CHD2: variants seen among roughly 807,000 people sequenced by gnomAD.
CHD2 encodes ATP-dependent chromatin remodeler CHD2.
In CHD2, 28 loss-of-function variants were observed where a neutral mutation model predicts 243.9. That is an observed-to-expected ratio of 0.11 (90% CI 0.09 to 0.16). The LOEUF is 0.16. Ranked by LOEUF, CHD2 falls within the 10% of genes least tolerant of loss-of-function variation. The pLI, the probability that CHD2 is intolerant of heterozygous loss-of-function variation, is 1.00. For synonymous variants in CHD2, 775 were observed against 779.0 expected (o/e 0.99, Z 0.09); for missense variants, 1,386 against 2,209.8 (o/e 0.63, Z 7.47).
At chr15:92,914,871 C>CA (rs1472702449) in intron 2 of CHD2, 2 of 152,146 alleles carry the variant, frequency 1.3e-5, no homozygotes, top group African/African-American at 4.8e-5. Flanking sequence ...AGGAAAACAA[C>CA]ATAGTACAAA....
In CHD2 at chr15:92,940,775, AAAATATAAAAAATATAT is replaced by A. The variant is rs1262651741; in HGVS notation, c.693-1039_693-1023del. Among the ~76,000 whole-genome samples the A allele has an allele frequency of 2.5e-4, 36 of 142,472 alleles. No homozygotes were observed. The East Asian group carries it at 5.9e-3, about 23-fold the overall frequency. The allele number at this position is 142,472 out of a possible 152,430, so 93.5% of individuals were successfully genotyped here. On this transcript the variant is annotated intron_variant, in intron 7 of 38. Coordinates refer to ENST00000394196, the MANE Select transcript of CHD2 (RefSeq NM_001271.4). ...GTTACATATATAAAAATATATATAA[AAAATATAAAAAATATAT>A]AAATATATAAATAAATATAAATATA...
At chr15:92,987,935 T>G (rs1220423496) in intron 26 of CHD2, among the ~76,000 whole-genome samples, 2 of 152,164 alleles carry the variant, frequency 1.3e-5, no homozygotes, top group Non-Finnish European at 2.9e-5. Context: ...TGAATTAACA[T>G]CAATTTAATT....
chr15:92,992,806 T>A (rs868452095), intron 27 of CHD2, 53 bp from the exon 28 acceptor site: 53 of 1,599,622 alleles, frequency 3.3e-5, no homozygotes, highest in Non-Finnish European at 4.2e-5. Context: ...TCATGACACT[T>A]AAGAAGAGTG....
At chr15:92,902,338 G>T in intron 2 of CHD2, 1 of 393,682 alleles carries the variant, frequency 2.5e-6, no homozygotes, top group African/African-American at 2.1e-5. Flanking sequence ...AAGTACATAT[G>T]AATGCATTTT....
Position 92,929,056 on chromosome 15 carries a change from C to T in CHD2, c.408C>T (p.Ser136=), listed in dbSNP as rs2053117457. ...EEASSGSESG[S]PKRRGQRQLK... Reference sequence around the variant, plus strand: ...CAAGTAGCGGGTCTGAGAGTGGGAGCCCAAAAAGAAGAGGCCAGAGGCAGC... The same window carrying T: ...CAAGTAGCGGGTCTGAGAGTGGGAGTCCAAAAAGAAGAGGCCAGAGGCAGC... Residue 136 remains serine (S), a synonymous_variant, in exon 5 of 39, where the codon AGC becomes AGT. Transcript: ENST00000394196. 6 of 1,611,398 alleles carry T rather than the reference C, an allele frequency of 3.7e-6. No homozygotes were observed. The highest frequency in any genetic ancestry group is 5.1e-6 in the Non-Finnish European group (6 of 1,178,518).
Position 92,949,616 on chromosome 15 carries a change from T to TG in CHD2, c.1502+547dup, listed in dbSNP as rs199671818. On this transcript the variant is annotated intron_variant, in intron 13 of 38. Coordinates refer to ENST00000394196, the MANE Select transcript of CHD2 (RefSeq NM_001271.4). ...CCTTTTTATAAGACCACGTTAATCT[T>TG]GGGGGGGTGAAAAAAAGATGAGACA... Among the ~76,000 whole-genome samples the TG allele has an allele frequency of 7.3e-3, 1,106 of 152,144 alleles. 15 individuals are homozygous for TG. Among genetic ancestry groups the TG allele is most frequent in the Non-Finnish European group, 9.0e-3 (611 of 67,988 alleles).
chr15:92,920,136 A>T (rs1017563907), intron 2 of CHD2, among the ~76,000 whole-genome samples: 1 of 148,318 alleles, frequency 6.7e-6, no homozygotes, highest in Non-Finnish European at 1.5e-5. Context: ...ATATGCTGAC[A>T]GAAAAACGGC....
At chr15:92,901,687 T>A in intron 2 of CHD2, 1 of 350,020 alleles carries the variant, frequency 2.9e-6, no homozygotes, top group East Asian at 4.5e-5. Flanking sequence ...ATTTTTTCTT[T>A]GAAGAATCCA....
intron 37 of CHD2, among the ~76,000 whole-genome samples, chr15:93,016,489 G>A (rs78251041): frequency 0.013 from 1,988 of 152,304 alleles, 21 homozygotes; most frequent in Non-Finnish European, 0.018. Context: ...TAGTGCATAT[G>A]TTAATTAGGC....
chr15:92,929,214 C>G, intron 5 of CHD2, 123 bp downstream of exon 5: 1 of 841,122 alleles, frequency 1.2e-6, no homozygotes, highest in Non-Finnish European at 1.9e-6. Context: ...GTCTCTCTTA[C>G]TAGCTCGGGT....
intron 2 of CHD2, among the ~76,000 whole-genome samples, chr15:92,916,995 G>A (rs1408231683): frequency 6.6e-6 from 1 of 152,186 alleles, no homozygotes; most frequent in Non-Finnish European, 1.5e-5. Context: ...TTTTAAAAAT[G>A]AGTTTATTGG....
chr15:92,903,092 C>G (rs2052553395), intron 2 of CHD2, among the ~76,000 whole-genome samples: 1 of 152,136 alleles, frequency 6.6e-6, no homozygotes, highest in Non-Finnish European at 1.5e-5. Context: ...ATATTTAAGA[C>G]TCTTTGAAAA....
intron 2 of CHD2, among the ~76,000 whole-genome samples, chr15:92,907,341 A>G (rs1358057874): frequency 6.6e-6 from 1 of 152,196 alleles, no homozygotes; most frequent in African/African-American, 2.4e-5. Flanking sequence ...TCTGGACTGG[A>G]TATCATACTG....
intron 9 of CHD2, 172 bp from the exon 10 acceptor site, chr15:92,944,243 G>T (rs566370311): frequency 3.2e-4 from 143 of 453,414 alleles, no homozygotes; most frequent in African/African-American, 3.3e-4. Flanking sequence ...TGTTTTTTTT[G>T]TTTGTTTGTT....
At chr15:92,916,431 A>G (rs1385867521) in intron 2 of CHD2, among the ~76,000 whole-genome samples, 1 of 152,224 alleles carries the variant, frequency 6.6e-6, no homozygotes, top group Non-Finnish European at 1.5e-5. Flanking sequence ...ATTTTCATAA[A>G]TGGGTATATG....
At chr15:92,977,307 C>A (rs940324632) in intron 20 of CHD2, among the ~76,000 whole-genome samples, 3 of 152,084 alleles carry the variant, frequency 2.0e-5, no homozygotes, top group African/African-American at 7.2e-5. Flanking sequence ...ATTTTTATTT[C>A]TATGGCATAA....
chr15:92,966,223 C>T (rs577092621), intron 16 of CHD2, among the ~76,000 whole-genome samples: 1 of 151,906 alleles, frequency 6.6e-6, no homozygotes, highest in Non-Finnish European at 1.5e-5. Context: ...GCCACCATGC[C>T]CAGCTAATTT....
In CHD2 at chr15:92,929,733, A is replaced by G. The variant is rs148200751; in HGVS notation, c.443+642A>G. Among the ~76,000 whole-genome samples the G allele has an allele frequency of 7.2e-4, 109 of 152,276 alleles. 1 individual carries two copies. The East Asian group carries it at 0.019, about 27-fold the overall frequency. On this transcript the variant is annotated intron_variant, in intron 5 of 38. Coordinates refer to ENST00000394196, the MANE Select transcript of CHD2 (RefSeq NM_001271.4). ...GGATCCCGTTGACAATCTGAATTCT[A>G]TAGCTTCTCTCAAAAATGTAGATAT...
Position 92,940,521 on chromosome 15 carries a change from A to AT in CHD2, c.692+814dup, listed in dbSNP as rs879266410. Among the ~76,000 whole-genome samples the AT allele has an allele frequency of 4.2e-3, 613 of 147,636 alleles. 1 individual carries two copies. Among genetic ancestry groups the AT allele is most frequent in the African/African-American group, 0.013 (516 of 40,470 alleles). Reference sequence around the variant, plus strand: ...GTAGTTTACTTTATAGAAATCAAGTATTTTTTTTTTTAGATTTTACAGATT... The same window carrying AT: ...GTAGTTTACTTTATAGAAATCAAGTATTTTTTTTTTTTAGATTTTACAGATT... On this transcript the variant is annotated intron_variant, in intron 7 of 38. Transcript: ENST00000394196.
Sources: allele counts gnomAD v4.1 joint callset (sites outside exome capture counted in the v4.1 genomes callset), GRCh38; gene constraint gnomAD v4.1.1; transcripts MANE v1.5; gene names NCBI Gene and HGNC (gene_info 2026-07-23, HGNC 2026-07-21).